The following ANAPC11 variants were observed in gnomAD, a reference collection of about 807,000 sequenced individuals.
ANAPC11 encodes anaphase-promoting complex subunit 11.
In ANAPC11, 5 loss-of-function variants were observed where a neutral mutation model predicts 11.8. That is an observed-to-expected ratio of 0.42 (90% CI 0.22 to 0.89). The LOEUF is 0.89. Among genes scored for constraint, ANAPC11 ranks in the 40% least tolerant of loss-of-function variants. The pLI is 0.28. For missense variants in ANAPC11, 68 were observed against 112.9 expected, an observed-to-expected ratio of 0.60 and a Z score of 1.80; for synonymous variants, 45 against 41.0, an observed-to-expected ratio of 1.10 and a Z score of -0.38.
upstream of ANAPC11, chr17:81,891,278 G>C: frequency 1.8e-6 from 2 of 1,102,562 alleles, no homozygotes; most frequent in Non-Finnish European, 2.2e-6. Context: ...CCCAGCCCCG[G>C]CTGGCCCCCT....
intron 3 of ANAPC11, among the ~76,000 whole-genome samples, chr17:81,896,489 G>T (rs369656881): frequency 6.6e-6 from 1 of 152,198 alleles, no homozygotes; most frequent in African/African-American, 2.4e-5. Flanking sequence ...TTGCATCAGC[G>T]AAATGGTTTT....
At chr17:81,891,425 G>A (rs1399847241), upstream of ANAPC11, 1 of 1,017,896 alleles carries the variant, frequency 9.8e-7, no homozygotes. Context: ...TCACTCGCGC[G>A]GCGGCCTGCG....
intron 3 of ANAPC11, chr17:81,899,290 A>AGCCTGT: frequency 6.2e-7 from 1 of 1,613,064 alleles, no homozygotes; most frequent in Non-Finnish European, 8.5e-7. Context: ...TGGTGCCCGC[A>AGCCTGT]GCCTGTGCCT....
chr17:81,894,628 AGTG>A (rs1157250780), intron 3 of ANAPC11, 42 bp downstream of exon 3: 1 of 1,422,900 alleles, frequency 7.0e-7, no homozygotes, highest in African/African-American at 1.4e-5. Context: ...CCCGACTGTG[AGTG>A]TCCCCTCTGT....
Position 81,899,949 on chromosome 17 carries a change from G to A in ANAPC11, c.139G>A (p.Val47Met), listed in dbSNP as rs1598306118. Residue 47 changes from valine to methionine, a missense_variant, in exon 4 of 4, where the codon GTG (valine) becomes ATG (methionine). Transcript: ENST00000344877. ...GGTGCCCGGCGACGACTGCCCGCTG[G>A]TGTGGGGCCAGTGCTCCCACTGCTT... ...CKVPGDDCPL[V>M]WGQCSHCFHM... 2 of 1,611,432 alleles carry A rather than the reference G, an allele frequency of 1.2e-6. No individual in the cohort carries two copies. The highest frequency in any genetic ancestry group is 1.7e-6 in the Non-Finnish European group (2 of 1,178,680).
intron 3 of ANAPC11, chr17:81,899,670 C>A: frequency 8.3e-7 from 1 of 1,198,240 alleles, no homozygotes; most frequent in Non-Finnish European, 1.2e-6. Context: ...TGAGGGGAGG[C>A]GCCTGCTGCG....
In ANAPC11 at chr17:81,891,725, G is replaced by T; in HGVS notation, c.-191G>T. Reference sequence around the variant, plus strand: ...GACGGGGTGAGGCGGGGAGGCGCGTGCGCACTGGCGTGCGAGACTCGGCGG... The same window carrying T: ...GACGGGGTGAGGCGGGGAGGCGCGTTCGCACTGGCGTGCGAGACTCGGCGG... On this transcript the variant is annotated 5_prime_UTR_variant, in exon 1 of 4. Coordinates refer to ENST00000344877, the MANE Select transcript of ANAPC11 (RefSeq NM_001002248.3). 2.9e-6 allele frequency: 2 copies of T among 688,920 alleles called. No individual in the cohort carries two copies. The highest frequency in any genetic ancestry group is 3.9e-6 in the Non-Finnish European group (2 of 513,772). 42.7% of individuals were successfully genotyped at this position (688,920 alleles called of 1,614,324 possible).
chr17:81,893,939 G>T (rs2039642704), intron 2 of ANAPC11, among the ~76,000 whole-genome samples: 1 of 151,686 alleles, frequency 6.6e-6, no homozygotes, highest in African/African-American at 2.4e-5. Context: ...CTGCAGCCCT[G>T]ACCCTCTGGG....
At chr17:81,895,473 G>A (rs753014432) in intron 3 of ANAPC11, among the ~76,000 whole-genome samples, 6 of 152,358 alleles carry the variant, frequency 3.9e-5, no homozygotes, top group South Asian at 2.1e-4. Flanking sequence ...TGTGAAATAC[G>A]TGGGATTAAA....
At chr17:81,900,322 A>G (rs2039899617), downstream of ANAPC11, 1 of 512,910 alleles carries the variant, frequency 1.9e-6, no homozygotes, top group Non-Finnish European at 3.4e-6. Context: ...TGATATGAAA[A>G]CTCTCATGAA....
At chr17:81,891,703 G>C, upstream of ANAPC11, 2 of 915,128 alleles carry the variant, frequency 2.2e-6, no homozygotes, top group African/African-American at 3.7e-5. Flanking sequence ...CGCGCGGGAC[G>C]GGGTGAGGCG....
In ANAPC11 at chr17:81,899,995, A is replaced by G. The variant is rs1374353002; in HGVS notation, c.185A>G (p.Lys62Arg). The change falls in exon 4 of 4, where the codon AAG becomes AGG. Residue 62 changes from lysine to arginine, a missense_variant. Physicochemically the swap from Lys to Arg is conservative, Grantham distance 26. Transcript: ENST00000344877. ...TGCTTCCACATGCATTGCATCCTCA[A>G]GTGGCTGCACGCACAGCAGGTGCAG... ...SHCFHMHCIL[K>R]WLHAQQVQQH... 1 of 1,612,960 alleles carries G rather than the reference A, an allele frequency of 6.2e-7. No individual in the cohort carries two copies. Among genetic ancestry groups the G allele is most frequent in the Non-Finnish European group, 8.5e-7 (1 of 1,179,974 alleles).
At chr17:81,898,043 G>A (rs2039801320) in intron 3 of ANAPC11, 1 of 152,228 alleles carries the variant, frequency 6.6e-6, no homozygotes, top group Non-Finnish European at 1.5e-5. Flanking sequence ...ATTATTGATT[G>A]ACTCTACCTG....
At chr17:81,890,805 C>G, upstream of ANAPC11, 1 of 1,614,080 alleles carries the variant, frequency 6.2e-7, no homozygotes, top group Non-Finnish European at 8.5e-7. Flanking sequence ...TGCCACTTGT[C>G]GGGAAGTTGT....
chr17:81,899,140 C>G, intron 3 of ANAPC11: 1 of 1,260,786 alleles, frequency 7.9e-7, no homozygotes, highest in Non-Finnish European at 1.1e-6. Flanking sequence ...TTGCTGTGCT[C>G]TGTTGGCAGC....
chr17:81,891,979 C>G (rs1439606875), intron 1 of ANAPC11, 138 bp downstream of exon 1: 1 of 160,312 alleles, frequency 6.2e-6, no homozygotes, highest in African/African-American at 2.4e-5. Context: ...GCGCTACGGG[C>G]GCGGCGGGTG....
At chr17:81,891,497 G>A (rs1279311940), upstream of ANAPC11, 6 of 1,266,792 alleles carry the variant, frequency 4.7e-6, no homozygotes, top group Non-Finnish European at 5.1e-6. Context: ...CGCCCCGGCC[G>A]CCTCGCTGGC....
rs758543327 is a variant in ANAPC11 at position 81,900,047 on chromosome 17, A to G, written c.237A>G (p.Glu79=). 1.2e-6 allele frequency: 2 copies of G among 1,612,748 alleles called. No individual in the cohort carries two copies. The highest frequency in any genetic ancestry group is 1.7e-6 in the Non-Finnish European group (2 of 1,179,896). The change falls in exon 4 of 4, where the codon GAA becomes GAG. Residue 79 remains glutamate (E), a synonymous_variant. Transcript: ENST00000344877. ...AGCACTGCCCCATGTGCCGCCAGGA[A>G]TGGAAGTTCAAGGAGTGAGGCCCGA... The part of the protein sequence containing the change: ...VQQHCPMCRQ[E]WKFKE
chr17:81,899,454 A>G (rs1598304747), intron 3 of ANAPC11: 2 of 1,614,002 alleles, frequency 1.2e-6, no homozygotes, highest in African/African-American at 1.3e-5. Context: ...TTCACTACTC[A>G]GATGCACGTC....
Sources: gnomAD v4.1 joint callset for allele counts (sites outside exome capture counted in the v4.1 genomes callset) on GRCh38, gnomAD v4.1.1 for gene constraint, MANE v1.5 for transcripts, NCBI Gene and HGNC (gene_info 2026-07-23, HGNC 2026-07-21) for gene names.